Variants in PIGL observed in about 807,000 individuals in gnomAD.
The protein encoded by PIGL is phosphatidylinositol glycan anchor biosynthesis class L, also known as N-acetylglucosaminyl-phosphatidylinositol de-N-acetylase.
PIGL carries 22 observed loss-of-function variants against 31.1 expected under a neutral mutation model. The ratio of observed to expected loss-of-function variants is 0.71; its 90% CI spans 0.51 to 1.01. The LOEUF (loss-of-function observed/expected upper bound fraction) is 1.01. PIGL is among the 50% of genes least tolerant of loss of function. The pLI is 0.00. For missense variants in PIGL, 302 were observed against 315.9 expected (o/e 0.96, Z 0.33); for synonymous variants, 131 against 117.4 (o/e 1.12, Z -0.75).
At chr17:16,255,357 G>T (rs2092789577) in intron 2 of PIGL, among the ~76,000 whole-genome samples, 1 of 152,088 alleles carries the variant, frequency 6.6e-6, no homozygotes, top group Admixed American at 6.6e-5. Context: ...TAAGGTTTCA[G>T]CACAATAAAA....
intron 4 of PIGL, among the ~76,000 whole-genome samples, chr17:16,315,704 CTTTCTTTTTTTT>C (rs1389925457): frequency 2.7e-5 from 2 of 75,422 alleles, no homozygotes; most frequent in Non-Finnish European, 5.0e-5. Context: ...TTCTTTCTTT[CTTTCTTTTTTTT>C]TTTTTTTTTT....
chr17:16,319,223 CAAAAAAAA>C (rs11379081), intron 6 of PIGL, among the ~76,000 whole-genome samples: 36 of 82,990 alleles, frequency 4.3e-4, no homozygotes, highest in African/African-American at 1.5e-3. Flanking sequence ...AGACCCTAGC[CAAAAAAAA>C]AAAAAAAAAA....
chr17:16,316,865 T>C (rs747427138), intron 5 of PIGL, 153 bp downstream of exon 5: 113 of 1,429,332 alleles, frequency 7.9e-5, no homozygotes, highest in Admixed American at 1.1e-4. Context: ...CACCTCAAGG[T>C]ACCTGGCAGG....
At chr17:16,228,217 G>C (rs1001952600) in intron 1 of PIGL, among the ~76,000 whole-genome samples, 1 of 151,090 alleles carries the variant, frequency 6.6e-6, no homozygotes, top group African/African-American at 2.4e-5. Context: ...ACCATGCCCG[G>C]CTAATTTTTT....
At chr17:16,241,304 G>A (rs2092722382) in intron 2 of PIGL, among the ~76,000 whole-genome samples, 2 of 151,552 alleles carry the variant, frequency 1.3e-5, no homozygotes, top group Non-Finnish European at 2.9e-5. Flanking sequence ...AGTCTTTGGG[G>A]TGGGCTGGGT....
At chr17:16,315,516 T>C (rs2093071533) in intron 4 of PIGL, among the ~76,000 whole-genome samples, 1 of 151,860 alleles carries the variant, frequency 6.6e-6, no homozygotes, top group African/African-American at 2.4e-5. Flanking sequence ...TCCCCAGTCC[T>C]CCTCAGCACA....
chr17:16,223,953 A>G (rs1265901532), intron 1 of PIGL, among the ~76,000 whole-genome samples: 1 of 152,146 alleles, frequency 6.6e-6, no homozygotes, highest in Non-Finnish European at 1.5e-5. Context: ...GTGTTGGTTC[A>G]CGCCTGTAAT....
intron 2 of PIGL, among the ~76,000 whole-genome samples, chr17:16,243,162 T>C (rs1354842625): frequency 1.3e-5 from 2 of 152,302 alleles, no homozygotes; most frequent in East Asian, 3.9e-4. Context: ...GCAATTCTCC[T>C]GCCTCAGCCT....
intron 1 of PIGL, among the ~76,000 whole-genome samples, chr17:16,230,343 T>C (rs2092673249): frequency 6.6e-6 from 1 of 152,218 alleles, no homozygotes; most frequent in South Asian, 2.1e-4. Flanking sequence ...CTGGGTTACT[T>C]CACTGTTCCT....
At chr17:16,278,713 C>CAA (rs57913710) in intron 2 of PIGL, among the ~76,000 whole-genome samples, 2,014 of 147,668 alleles carry the variant, frequency 0.014, 49 homozygotes, top group African/African-American at 0.043. Context: ...TAAATCTAGG[C>CAA]AAAAAAAAAA....
chr17:16,300,857 T>G (rs920051586), intron 3 of PIGL, among the ~76,000 whole-genome samples: 5 of 152,110 alleles, frequency 3.3e-5, no homozygotes, highest in African/African-American at 1.2e-4. Context: ...AGAAAATTTT[T>G]GATGCAATTA....
At chr17:16,318,023 C>A in intron 6 of PIGL, 115 bp downstream of exon 6, 2 of 832,370 alleles carry the variant, frequency 2.4e-6, no homozygotes, top group Non-Finnish European at 3.9e-6. Flanking sequence ...AGTGGTTCAG[C>A]ACCTGTCCCT....
rs149423660 is a variant in PIGL at position 16,325,842 on chromosome 17, C to T, written c.703C>T (p.Arg235Cys). The T allele has an allele frequency of 1.4e-5, 23 of 1,613,866 alleles. No homozygotes were observed. Among genetic ancestry groups the T allele is most frequent in the African/African-American group, 5.3e-5 (4 of 74,928 alleles). ...CHRSQLLWFRRLYIIFSRYMR... is the reference protein window; with the variant it reads ...CHRSQLLWFRCLYIIFSRYMR... Reference sequence around the variant, plus strand: ...CCGCAGCCAGCTCCTCTGGTTCCGCCGCCTCTACATTATCTTCTCCCGGTA... The same window carrying T: ...CCGCAGCCAGCTCCTCTGGTTCCGCTGCCTCTACATTATCTTCTCCCGGTA... The change falls in exon 7 of 7, where the codon CGC (arginine) becomes TGC (cysteine). Residue 235 changes from arginine (R) to cysteine (C), a missense_variant. Arg to Cys is a radical substitution (Grantham distance 180, BLOSUM62 -3). Transcript: ENST00000225609.
chr17:16,281,972 C>A, intron 2 of PIGL: 1 of 478,996 alleles, frequency 2.1e-6, no homozygotes, highest in Non-Finnish European at 4.5e-6. Context: ...TGCCCCCAGA[C>A]AATGGAAGGG....
At chr17:16,304,309 C>T (rs954148808) in intron 3 of PIGL, among the ~76,000 whole-genome samples, 2 of 152,210 alleles carry the variant, frequency 1.3e-5, no homozygotes, top group African/African-American at 2.4e-5. Context: ...TGGGCTGCAC[C>T]AGGATGAGAG....
At chr17:16,314,955 C>A (rs887341612) in intron 4 of PIGL, among the ~76,000 whole-genome samples, 5 of 152,080 alleles carry the variant, frequency 3.3e-5, no homozygotes, top group African/African-American at 1.2e-4. Context: ...GATTTCTCTC[C>A]GAGAATTTAC....
chr17:16,230,560 G>A (rs1473920044), intron 1 of PIGL, among the ~76,000 whole-genome samples: 1 of 151,888 alleles, frequency 6.6e-6, no homozygotes, highest in African/African-American at 2.4e-5. Context: ...GAAAAACATT[G>A]CAGCTATTCC....
chr17:16,291,101 G>C (rs1156375146), intron 2 of PIGL, among the ~76,000 whole-genome samples: 1 of 152,144 alleles, frequency 6.6e-6, no homozygotes, highest in East Asian at 1.9e-4. Flanking sequence ...ATAAAATTGT[G>C]GTCTTTACCA....
intron 5 of PIGL, chr17:16,317,398 G>A (rs2093082545): frequency 1.0e-6 from 1 of 984,004 alleles, no homozygotes; most frequent in East Asian, 8.3e-5. Flanking sequence ...AGTGGTTAAG[G>A]GACTTTGCCA....
Sources: gnomAD v4.1 joint callset for allele counts (sites outside exome capture counted in the v4.1 genomes callset) on GRCh38, gnomAD v4.1.1 for gene constraint, MANE v1.5 for transcripts, NCBI Gene and HGNC (gene_info 2026-07-23, HGNC 2026-07-21) for gene names.